Variants in RABGAP1L observed in about 807,000 individuals in gnomAD.
RABGAP1L encodes rab GTPase-activating protein 1-like.
A neutral mutation model predicts 137.7 loss-of-function variants in RABGAP1L; 63 were observed. That is an observed-to-expected ratio of 0.46 (90% CI 0.37 to 0.56). RABGAP1L has a LOEUF of 0.56. RABGAP1L is among the 20% of genes least tolerant of loss of function. The probability of loss-of-function intolerance (pLI) is 0.00; values close to 1 mark genes in which losing one functional copy is unlikely to be tolerated. For missense variants in RABGAP1L, 1,095 were observed against 1,244.0 expected (o/e 0.88, Z 1.80); for synonymous variants, 431 against 433.7 (o/e 0.99, Z 0.08).
At chr1:174,883,459 G>A (rs1449145475) in intron 19 of RABGAP1L, among the ~76,000 whole-genome samples, 1 of 152,118 alleles carries the variant, frequency 6.6e-6, no homozygotes, top group Non-Finnish European at 1.5e-5. Flanking sequence ...GAACTAGTTG[G>A]GTTACCCTGG....
At chr1:174,972,591 G>A (rs1248018713) in intron 21 of RABGAP1L, among the ~76,000 whole-genome samples, 3 of 152,174 alleles carry the variant, frequency 2.0e-5, no homozygotes, top group Non-Finnish European at 4.4e-5. Context: ...AGTGGCTCAC[G>A]CCTGTAATCC....
intron 13 of RABGAP1L, among the ~76,000 whole-genome samples, chr1:174,566,709 C>T (rs1354536370): frequency 4.6e-5 from 7 of 152,192 alleles, no homozygotes; most frequent in Non-Finnish European, 5.9e-5. Flanking sequence ...TAAACAAGAC[C>T]GTACTAAGAG....
intron 13 of RABGAP1L, among the ~76,000 whole-genome samples, chr1:174,609,644 C>T (rs1378366844): frequency 6.6e-6 from 1 of 152,158 alleles, no homozygotes; most frequent in African/African-American, 2.4e-5. Context: ...TCTACTACTT[C>T]AAGCTATTTT....
At position 174,278,620 on chromosome 1, in the gene RABGAP1L, A is replaced by G; in HGVS notation, c.1164A>G (p.Gln388=). ...AGAAAATTTCTACTACAGATAAGCA[A>G]GTATACATGACTGTGGCAGTGGATA... ...ALNEETPKDK[Q]VYMTVAVDMV... The change falls in exon 10 of 26, where the codon CAA becomes CAG. Residue 388 remains glutamine, a synonymous_variant. Transcript: ENST00000681986. 7 of 1,608,726 alleles carry G rather than the reference A, an allele frequency of 4.4e-6. No individual in the cohort carries two copies. Among genetic ancestry groups the G allele is most frequent in the Non-Finnish European group, 5.9e-6 (7 of 1,178,236 alleles).
chr1:174,215,228 G>A (rs747220734), intron 1 of RABGAP1L, among the ~76,000 whole-genome samples: 4 of 152,110 alleles, frequency 2.6e-5, no homozygotes, highest in Admixed American at 6.5e-5. Context: ...AGGCCAGGGC[G>A]AGTAGATCAC....
intron 19 of RABGAP1L, among the ~76,000 whole-genome samples, chr1:174,942,194 A>C (rs1666002380): frequency 6.6e-6 from 1 of 152,244 alleles, no homozygotes; most frequent in South Asian, 2.1e-4. Flanking sequence ...TGATGTCAAC[A>C]GCAGAGGAAA....
Position 174,814,333 on chromosome 1 carries a change from T to C in RABGAP1L, c.2340+2373T>C, listed in dbSNP as rs187560360. 2.6e-5 allele frequency among the ~76,000 whole-genome samples: 4 copies of C among 152,284 alleles called. No individual in the cohort carries two copies. In the East Asian group the frequency reaches 7.7e-4, roughly 29 times the overall value. ...ATAATTTGTAAAGTTTTAATAGTTT[T>C]TTGTGGGGTTTTCTTTGCATTATCT... On this transcript the variant is annotated intron_variant, in intron 19 of 25. Coordinates refer to ENST00000681986, the MANE Select transcript of RABGAP1L (RefSeq NM_001366446.1).
At position 174,252,419 on chromosome 1, in the gene RABGAP1L, A is replaced by T. The variant is rs376368803; in HGVS notation, c.876-61A>T. The T allele has an allele frequency of 1.9e-6, 3 of 1,573,966 alleles. No individual in the cohort carries two copies. In the African/African-American group the frequency reaches 4.1e-5, roughly 22 times the overall value. On this transcript the variant is annotated intron_variant, in intron 6 of 25. Coordinates refer to ENST00000681986, the MANE Select transcript of RABGAP1L (RefSeq NM_001366446.1). The stretch of plus-strand genomic sequence containing the variant: ...TTTGTTGTTTTGTTCTAACCTTGGA[A>T]TAGGTTATTTTATCATTTTATTAGA...
At chr1:174,510,409 A>G (rs548781884) in intron 13 of RABGAP1L, among the ~76,000 whole-genome samples, 3 of 152,216 alleles carry the variant, frequency 2.0e-5, no homozygotes, top group Non-Finnish European at 4.4e-5. Flanking sequence ...AAGTAAATGG[A>G]TAGAAGAAGA....
chr1:174,768,404 C>T (rs1489964265), intron 18 of RABGAP1L, among the ~76,000 whole-genome samples: 2 of 152,148 alleles, frequency 1.3e-5, no homozygotes, highest in African/African-American at 2.4e-5. Flanking sequence ...AATAAGATCT[C>T]AGGATTTTGC....
At chr1:174,281,548 C>A (rs1165364782) in intron 10 of RABGAP1L, among the ~76,000 whole-genome samples, 1 of 152,214 alleles carries the variant, frequency 6.6e-6, no homozygotes, top group African/African-American at 2.4e-5. Flanking sequence ...ATTCGCCTCT[C>A]ACCTTGACCT....
intron 19 of RABGAP1L, chr1:174,874,449 T>TA (rs1652739592): frequency 1.0e-6 from 1 of 985,212 alleles, no homozygotes. Flanking sequence ...GAGGACCATC[T>TA]ATTTGGTTAC....
At chr1:174,647,645 C>T (rs908008508) in intron 14 of RABGAP1L, among the ~76,000 whole-genome samples, 12 of 151,942 alleles carry the variant, frequency 7.9e-5, no homozygotes, top group African/African-American at 1.9e-4. Flanking sequence ...TGATGTTCAT[C>T]GGGGGTATTG....
chr1:174,479,178 C>T (rs982423571), intron 13 of RABGAP1L, among the ~76,000 whole-genome samples: 1 of 152,202 alleles, frequency 6.6e-6, no homozygotes, highest in Non-Finnish European at 1.5e-5. Context: ...GCCTGAGGTC[C>T]TGCATTTCTA....
intron 12 of RABGAP1L, among the ~76,000 whole-genome samples, chr1:174,380,511 T>G (rs1174342085): frequency 1.3e-5 from 2 of 151,922 alleles, no homozygotes; most frequent in Non-Finnish European, 2.9e-5. Context: ...CCTGGTTTAG[T>G]CTTGGGAGAG....
At position 174,702,130 on chromosome 1, in the gene RABGAP1L, G is replaced by A; in HGVS notation, c.2043G>A (p.Leu681=). ...ACTTTTAGGAACAGCTACCGGACCT[G>A]CATAGCCATTTTTCTGATCTGAACC... The part of the protein sequence containing the change: ...ERLMQEQLPD[L]HSHFSDLNLE... The change falls in exon 17 of 26, where the codon CTG becomes CTA. Residue 681 remains leucine, a synonymous_variant. Coordinates refer to ENST00000681986, the MANE Select transcript of RABGAP1L (RefSeq NM_001366446.1). The A allele has an allele frequency of 1.2e-6, 2 of 1,611,056 alleles. No individual in the cohort carries two copies. Among genetic ancestry groups the A allele is most frequent in the Non-Finnish European group, 1.7e-6 (2 of 1,178,930 alleles).
chr1:174,235,073 G>T lies in RABGAP1L; in HGVS notation c.542+3718G>T, dbSNP rs1671045268. On this transcript the variant is annotated intron_variant, in intron 4 of 25. Transcript: ENST00000681986. ...TCATGATTTGGCTCTCTGTTTGTTT[G>T]TTGTTGGTGTATAAGAATGCTTGTG... 4.3e-5 allele frequency among the ~76,000 whole-genome samples: 6 copies of T among 140,950 alleles called. No homozygotes were observed. The South Asian group carries it at 9.4e-4, about 22-fold the overall frequency. The allele number at this position is 140,950 out of a possible 152,430, so 92.5% of individuals were successfully genotyped here. A position where few individuals can be genotyped will look rare whatever the true frequency, so the allele number is the denominator to read the frequency against.
At chr1:174,600,636 A>T (rs1471781529) in intron 13 of RABGAP1L, among the ~76,000 whole-genome samples, 3 of 152,162 alleles carry the variant, frequency 2.0e-5, no homozygotes, top group Non-Finnish European at 4.4e-5. Flanking sequence ...CTCCAAAATG[A>T]TCTCCTTTGA....
intron 12 of RABGAP1L, among the ~76,000 whole-genome samples, chr1:174,375,672 A>G (rs1334749652): frequency 6.6e-6 from 1 of 152,224 alleles, no homozygotes; most frequent in Non-Finnish European, 1.5e-5. Flanking sequence ...AATAACCTGA[A>G]TACTCCTGTA....
Sources: gnomAD v4.1 joint callset for allele counts (sites outside exome capture counted in the v4.1 genomes callset) on GRCh38, gnomAD v4.1.1 for gene constraint, MANE v1.5 for transcripts, NCBI Gene and HGNC (gene_info 2026-07-23, HGNC 2026-07-21) for gene names.